The following CSGALNACT1 variants were observed in gnomAD, a reference collection of about 807,000 sequenced individuals.
CSGALNACT1 encodes beta4GalNAcT-1.
A neutral mutation model predicts 51.0 loss-of-function variants in CSGALNACT1; 52 were observed. That is an observed-to-expected ratio of 1.02 (90% CI 0.82 to 1.29). CSGALNACT1 has a LOEUF of 1.29. Among genes scored for constraint, CSGALNACT1 ranks in the 50% most tolerant of loss-of-function variants. The probability of loss-of-function intolerance (pLI) is 0.00; values close to 1 mark genes in which losing one functional copy is unlikely to be tolerated. For missense variants in CSGALNACT1, 935 were observed against 679.2 expected (o/e 1.38, Z -4.19); for synonymous variants, 341 against 254.4 (o/e 1.34, Z -3.24).
chr8:19,648,297 T>C (rs117610886), intron 1 of CSGALNACT1, among the ~76,000 whole-genome samples: 1,968 of 152,306 alleles, frequency 0.013, 26 homozygotes, highest in South Asian at 0.03. Context: ...CAAAACTGCA[T>C]TTTAAACATT....
At chr8:19,458,210 T>C (rs567857928) in intron 5 of CSGALNACT1, among the ~76,000 whole-genome samples, 1 of 152,338 alleles carries the variant, frequency 6.6e-6, no homozygotes, top group South Asian at 2.1e-4. Flanking sequence ...CTTCCTGCTT[T>C]TCACTTCTGA....
At chr8:19,513,436 C>CTCTCTCTCTCTCTCTATATA in intron 3 of CSGALNACT1, among the ~76,000 whole-genome samples, 27 of 81,976 alleles carry the variant, frequency 3.3e-4, no homozygotes, top group Admixed American at 8.7e-4. Context: ...CTCTCTCTCT[C>CTCTCTCTCTCTCTCTATATA]TATATATATA....
chr8:19,684,944 C>G (rs2154211216), upstream of CSGALNACT1, among the ~76,000 whole-genome samples: 1 of 152,324 alleles, frequency 6.6e-6, no homozygotes, highest in African/African-American at 2.4e-5. Context: ...AAACCTGGAT[C>G]CATCCCTGTT....
At chr8:19,650,742 G>A (rs779885496) in intron 1 of CSGALNACT1, among the ~76,000 whole-genome samples, 11 of 152,064 alleles carry the variant, frequency 7.2e-5, no homozygotes, top group African/African-American at 1.9e-4. Context: ...AAACAAAACC[G>A]GTTCATTTCT....
chr8:19,480,489 T>C (rs1197724253), intron 4 of CSGALNACT1, among the ~76,000 whole-genome samples: 1 of 152,224 alleles, frequency 6.6e-6, no homozygotes, highest in Non-Finnish European at 1.5e-5. Flanking sequence ...GGTATGTACA[T>C]ACCACATTTT....
chr8:19,637,804 G>C (rs1204529121), intron 1 of CSGALNACT1, among the ~76,000 whole-genome samples: 1 of 150,542 alleles, frequency 6.6e-6, no homozygotes, highest in Non-Finnish European at 1.5e-5. Context: ...AATTATACTC[G>C]TTGTACGAGA....
intron 1 of CSGALNACT1, among the ~76,000 whole-genome samples, chr8:19,672,352 A>T (rs2059859775): frequency 6.6e-6 from 1 of 152,228 alleles, no homozygotes; most frequent in African/African-American, 2.4e-5. Context: ...TGAACAAAAA[A>T]AATTGAGTGT....
chr8:19,427,356 T>C (rs1423593443), intron 6 of CSGALNACT1, among the ~76,000 whole-genome samples: 1 of 152,238 alleles, frequency 6.6e-6, no homozygotes, highest in African/African-American at 2.4e-5. Context: ...GCATACAATT[T>C]TGTTTTGTTT....
chr8:19,721,132 T>A (rs1190834592), intron 1 of CSGALNACT1, among the ~76,000 whole-genome samples: 1 of 152,212 alleles, frequency 6.6e-6, no homozygotes, highest in Non-Finnish European at 1.5e-5. Context: ...CCCATTGGGT[T>A]CTCAGTTCAA....
At chr8:19,574,786 C>T (rs1021648986) in intron 3 of CSGALNACT1, among the ~76,000 whole-genome samples, 4 of 152,106 alleles carry the variant, frequency 2.6e-5, no homozygotes, top group African/African-American at 9.7e-5. Flanking sequence ...AATCCCAACA[C>T]TTTGGGAGGC....
At chr8:19,433,219 C>T (rs1272615683) in intron 6 of CSGALNACT1, among the ~76,000 whole-genome samples, 5 of 152,160 alleles carry the variant, frequency 3.3e-5, no homozygotes, top group East Asian at 1.9e-4. Context: ...TCTCTGATTT[C>T]GCTGAGGGAT....
chr8:19,604,110 T>A (rs1431247030), upstream of CSGALNACT1, among the ~76,000 whole-genome samples: 1 of 152,144 alleles, frequency 6.6e-6, no homozygotes, highest in East Asian at 1.9e-4. Context: ...GTTCCAAGCA[T>A]CATATTCCTC....
At position 19,502,475 on chromosome 8, in the gene CSGALNACT1, G is replaced by A. The variant is rs144866772; in HGVS notation, c.634+2726C>T. Among the ~76,000 whole-genome samples, 312 of 152,286 alleles carry A rather than the reference G, an allele frequency of 2.0e-3. 2 individuals are homozygous for A. Among genetic ancestry groups the A allele is most frequent in the African/African-American group, 7.0e-3 (290 of 41,554 alleles). The stretch of plus-strand genomic sequence containing the variant: ...CATAACTAGGATCATCTGCAAGCAT[G>A]CCTTGAACTTTTCTTGTTATTTTTT... On this transcript the variant is annotated intron_variant, in intron 4 of 9. Transcript: ENST00000454498.
chr8:19,492,401 C>A (rs1463387883), intron 4 of CSGALNACT1, among the ~76,000 whole-genome samples: 1 of 152,342 alleles, frequency 6.6e-6, no homozygotes, highest in African/African-American at 2.4e-5. Context: ...TAAATTTCAT[C>A]TACCTCTTCA....
intron 1 of CSGALNACT1, among the ~76,000 whole-genome samples, chr8:19,653,866 A>T (rs74487365): frequency 6.6e-6 from 1 of 152,072 alleles, no homozygotes; most frequent in African/African-American, 2.4e-5. Context: ...CTTCTATCCA[A>T]TACCTACCCA....
intron 1 of CSGALNACT1, among the ~76,000 whole-genome samples, chr8:19,655,146 G>GA (rs1373032340): frequency 6.6e-6 from 1 of 152,100 alleles, no homozygotes; most frequent in Admixed American, 6.5e-5. Context: ...CATTTTCCTG[G>GA]AATGGTGCAA....
intron 4 of CSGALNACT1, among the ~76,000 whole-genome samples, chr8:19,484,803 C>T (rs2072441794): frequency 6.6e-6 from 1 of 152,160 alleles, no homozygotes; most frequent in Admixed American, 6.5e-5. Flanking sequence ...TGGGGCTGCT[C>T]TGGTGGGTCC....
chr8:19,502,883 A>G (rs2076652046), intron 4 of CSGALNACT1, among the ~76,000 whole-genome samples: 1 of 152,164 alleles, frequency 6.6e-6, no homozygotes. Flanking sequence ...TGAAGCTAGG[A>G]TCATCATTTA....
intron 3 of CSGALNACT1, among the ~76,000 whole-genome samples, chr8:19,588,493 A>G (rs1010387741): frequency 3.9e-5 from 6 of 152,222 alleles, no homozygotes; most frequent in African/African-American, 9.7e-5. Context: ...CTGATTACCT[A>G]AATGTAAATA....
Sources: allele counts gnomAD v4.1 joint callset (sites outside exome capture counted in the v4.1 genomes callset), GRCh38; gene constraint gnomAD v4.1.1; transcripts MANE v1.5; gene names NCBI Gene and HGNC (gene_info 2026-07-23, HGNC 2026-07-21).